Variants in LARGE1 observed in about 807,000 individuals in gnomAD.
The protein encoded by LARGE1 is xylosyl- and glucuronyltransferase LARGE1.
A neutral mutation model predicts 87.6 loss-of-function variants in LARGE1; 43 were observed. That is an observed-to-expected ratio of 0.49 (90% CI 0.38 to 0.63). LARGE1 has a LOEUF of 0.63. Among genes scored for constraint, LARGE1 ranks in the 30% least tolerant of loss-of-function variants. The pLI is 0.00. For synonymous variants in LARGE1, 434 were observed against 394.6 expected (o/e 1.10, Z -1.18); for missense variants, 802 against 1,000.2 (o/e 0.80, Z 2.67).
chr22:33,161,021 T>C (rs1321991419), downstream of LARGE1, among the ~76,000 whole-genome samples: 1 of 152,230 alleles, frequency 6.6e-6, no homozygotes, highest in East Asian at 1.9e-4. Flanking sequence ...GAGTAATTTA[T>C]AAAGAGGTTC....
chr22:33,467,966 A>C (rs993461872), intron 6 of LARGE1, among the ~76,000 whole-genome samples: 2 of 152,118 alleles, frequency 1.3e-5, no homozygotes, highest in African/African-American at 4.8e-5. Context: ...GGCTCATTTG[A>C]GGCTGTGACC....
At chr22:33,788,702 A>T (rs1351123775) in intron 1 of LARGE1, among the ~76,000 whole-genome samples, 1 of 152,132 alleles carries the variant, frequency 6.6e-6, no homozygotes, top group Non-Finnish European at 1.5e-5. Context: ...GACTGGTGAC[A>T]TTTTGCCCCT....
intron 2 of LARGE1, among the ~76,000 whole-genome samples, chr22:33,671,402 G>A (rs908189250): frequency 4.6e-5 from 7 of 152,202 alleles, no homozygotes; most frequent in African/African-American, 1.7e-4. Flanking sequence ...TATACGTAAA[G>A]TGTAAAATGC....
chr22:33,755,841 T>G (rs2084492675), intron 2 of LARGE1, among the ~76,000 whole-genome samples: 1 of 152,088 alleles, frequency 6.6e-6, no homozygotes, highest in Admixed American at 6.6e-5. Flanking sequence ...ATAAAACACT[T>G]CCTTCTCTCA....
chr22:33,523,316 A>G (rs1054551382), intron 6 of LARGE1, among the ~76,000 whole-genome samples: 4 of 151,360 alleles, frequency 2.6e-5, no homozygotes, highest in Non-Finnish European at 2.9e-5. Context: ...AGCCCTCACT[A>G]TTGTTTTTAT....
intron 2 of LARGE1, among the ~76,000 whole-genome samples, chr22:33,666,365 C>A (rs1236402610): frequency 4.6e-5 from 7 of 152,224 alleles, no homozygotes; most frequent in Admixed American, 6.5e-5. Context: ...AATTTCCTGA[C>A]ATCTTAATCT....
At chr22:33,343,187 G>A (rs1054198294) in intron 9 of LARGE1, among the ~76,000 whole-genome samples, 1 of 152,124 alleles carries the variant, frequency 6.6e-6, no homozygotes, top group Non-Finnish European at 1.5e-5. Flanking sequence ...GGAGTACAGT[G>A]GTGCAATCTG....
intron 2 of LARGE1, among the ~76,000 whole-genome samples, chr22:33,747,059 C>T (rs1309297684): frequency 6.6e-6 from 1 of 152,124 alleles, no homozygotes; most frequent in Non-Finnish European, 1.5e-5. Context: ...TAAACAAATG[C>T]CCCAGGTGAT....
chr22:33,372,236 A>G (rs886510345), intron 9 of LARGE1, among the ~76,000 whole-genome samples: 2 of 152,180 alleles, frequency 1.3e-5, no homozygotes, highest in Non-Finnish European at 2.9e-5. Context: ...ATTATAAAAT[A>G]GTTCTTATTA....
chr22:33,219,929 A>G (rs1471024584), intron 11 of LARGE1, among the ~76,000 whole-genome samples: 1 of 152,178 alleles, frequency 6.6e-6, no homozygotes, highest in African/African-American at 2.4e-5. Context: ...AGGACCTGGA[A>G]TCCTCCCCTC....
At chr22:33,919,688 G>GC (rs1347788587) in intron 1 of LARGE1, among the ~76,000 whole-genome samples, 1 of 152,270 alleles carries the variant, frequency 6.6e-6, no homozygotes. Flanking sequence ...TAACAAGAGG[G>GC]CCGGGGGTGC....
the LARGE1 span, among the ~76,000 whole-genome samples, chr22:33,096,273 G>A: frequency 6.6e-6 from 1 of 151,872 alleles, no homozygotes; most frequent in Admixed American, 6.6e-5. Flanking sequence ...AAAATTAGCT[G>A]GGCATGGTAG....
At chr22:33,262,353 C>G (rs1361160225) in intron 11 of LARGE1, among the ~76,000 whole-genome samples, 1 of 152,192 alleles carries the variant, frequency 6.6e-6, no homozygotes, top group Admixed American at 6.5e-5. Flanking sequence ...TTAGGAAAGT[C>G]CCATTCCTTT....
At chr22:33,660,830 G>A (rs1406347511) in intron 2 of LARGE1, among the ~76,000 whole-genome samples, 1 of 152,116 alleles carries the variant, frequency 6.6e-6, no homozygotes, top group Non-Finnish European at 1.5e-5. Context: ...CAGCACTCAA[G>A]ATGAAAGATT....
intron 9 of LARGE1, among the ~76,000 whole-genome samples, chr22:33,354,670 A>C (rs1466951622): frequency 6.6e-6 from 1 of 152,242 alleles, no homozygotes; most frequent in Non-Finnish European, 1.5e-5. Flanking sequence ...AATGCTACAA[A>C]TATTTTTGTA....
intron 1 of LARGE1, among the ~76,000 whole-genome samples, chr22:33,782,659 G>A (rs2085459332): frequency 6.6e-6 from 1 of 152,038 alleles, no homozygotes; most frequent in Admixed American, 6.6e-5. Flanking sequence ...GAGGTCAGGA[G>A]ATCAAGACCA....
intron 1 of LARGE1, among the ~76,000 whole-genome samples, chr22:33,797,520 T>G (rs907395108): frequency 1.7e-4 from 26 of 152,150 alleles, no homozygotes; most frequent in African/African-American, 5.8e-4. Context: ...CCAGAGTTAC[T>G]CCAATGATGG....
intron 1 of LARGE1, among the ~76,000 whole-genome samples, chr22:33,764,644 G>A (rs2084841935): frequency 2.6e-5 from 4 of 152,106 alleles, no homozygotes; most frequent in Admixed American, 2.6e-4. Flanking sequence ...TATAATCCCA[G>A]CTACTTGGGA....
At chr22:33,451,921 T>C (rs1303479171) in intron 6 of LARGE1, among the ~76,000 whole-genome samples, 1 of 152,188 alleles carries the variant, frequency 6.6e-6, no homozygotes, top group Non-Finnish European at 1.5e-5. Context: ...AGTGACAACA[T>C]ACAACGTTTG....
Sources: gnomAD v4.1 joint callset for allele counts (sites outside exome capture counted in the v4.1 genomes callset) on GRCh38, gnomAD v4.1.1 for gene constraint, MANE v1.5 for transcripts, NCBI Gene and HGNC (gene_info 2026-07-23, HGNC 2026-07-21) for gene names.